The following SKAP1 variants were observed in gnomAD, a reference collection of about 807,000 sequenced individuals.
SKAP1 encodes src kinase-associated phosphoprotein 1.
SKAP1 carries 44 observed loss-of-function variants against 58.5 expected under a neutral mutation model. That is an observed-to-expected ratio of 0.75 (90% CI 0.59 to 0.97). The LOEUF (loss-of-function observed/expected upper bound fraction) is 0.97, where lower values mean the gene tolerates loss of function less well. Ranked by LOEUF, SKAP1 falls within the 50% of genes least tolerant of loss-of-function variation. The pLI, the probability that SKAP1 is intolerant of heterozygous loss-of-function variation, is 0.00. For missense variants in SKAP1, 390 were observed against 435.2 expected (o/e 0.90, Z 0.92); for synonymous variants, 127 against 149.7 (o/e 0.85, Z 1.11).
chr17:48,134,329 C>A (rs2063672843), intron 12 of SKAP1, among the ~76,000 whole-genome samples: 1 of 151,446 alleles, frequency 6.6e-6, no homozygotes, highest in African/African-American at 2.4e-5. Context: ...AGGATAAATT[C>A]TTTTTTTTAG....
In SKAP1 at chr17:48,378,953, C is replaced by G. The variant is rs866723015; in HGVS notation, c.153-15139G>C. Among the ~76,000 whole-genome samples, 5 of 152,084 alleles carry G rather than the reference C, an allele frequency of 3.3e-5. No individual in the cohort carries two copies. In the South Asian group the frequency reaches 8.3e-4, roughly 25 times the overall value. On this transcript the variant is annotated intron_variant, in intron 2 of 12. Coordinates refer to ENST00000336915, the MANE Select transcript of SKAP1 (RefSeq NM_003726.4). ...GAGGCAGGCAAAGGGCAAGGCACTTCCAGGCAATGCTATGAAGTATGGATT... is the reference window on the plus strand; with the variant it reads ...GAGGCAGGCAAAGGGCAAGGCACTTGCAGGCAATGCTATGAAGTATGGATT...
intron 10 of SKAP1, among the ~76,000 whole-genome samples, chr17:48,168,322 C>T (rs1050679916): frequency 3.3e-5 from 5 of 152,146 alleles, no homozygotes; most frequent in African/African-American, 7.2e-5. Context: ...AGGGAAAGGT[C>T]AACTTGCTTA....
chr17:48,349,410 C>G (rs1195103955), intron 3 of SKAP1, among the ~76,000 whole-genome samples: 1 of 152,148 alleles, frequency 6.6e-6, no homozygotes, highest in Non-Finnish European at 1.5e-5. Context: ...AAGCAAGACC[C>G]CTTGCCACTG....
chr17:48,271,852 C>G (rs2065637309), intron 4 of SKAP1, among the ~76,000 whole-genome samples: 1 of 152,148 alleles, frequency 6.6e-6, no homozygotes, highest in Non-Finnish European at 1.5e-5. Context: ...CATACCACTT[C>G]TACTTCTTGT....
intron 4 of SKAP1, among the ~76,000 whole-genome samples, chr17:48,331,426 G>A (rs973838338): frequency 9.2e-5 from 14 of 152,124 alleles, no homozygotes; most frequent in African/African-American, 3.1e-4. Context: ...TAGGCTGGGC[G>A]TGGTGGCTCA....
At chr17:48,281,228 G>C (rs147450329) in intron 4 of SKAP1, among the ~76,000 whole-genome samples, 1 of 152,070 alleles carries the variant, frequency 6.6e-6, no homozygotes, top group Non-Finnish European at 1.5e-5. Flanking sequence ...TTTTCACCAT[G>C]TTGGCCAGGA....
At chr17:48,428,453 A>G (rs1467996555) in intron 1 of SKAP1, among the ~76,000 whole-genome samples, 1 of 152,220 alleles carries the variant, frequency 6.6e-6, no homozygotes, top group South Asian at 2.1e-4. Flanking sequence ...AAGCTAAAGG[A>G]AGGTGGCAGG....
intron 2 of SKAP1, chr17:48,382,297 G>A (rs1295943540): frequency 6.6e-6 from 1 of 152,126 alleles, no homozygotes; most frequent in Non-Finnish European, 1.5e-5. Flanking sequence ...GTATACATAT[G>A]TAACAAACCT....
rs368181511 is a variant in SKAP1 at position 48,280,342 on chromosome 17, C to T, written c.280+65563G>A. Among the ~76,000 whole-genome samples, 14 of 151,734 alleles carry T rather than the reference C, an allele frequency of 9.2e-5. No homozygotes were observed. In the East Asian group the frequency reaches 1.2e-3, roughly 13 times the overall value. ...AAAATCAGCTGGCTGTGGTGGTGGG[C>T]GCCTGTAATTCCAGCTACTTGGGAG... On this transcript the variant is annotated intron_variant, in intron 4 of 12. Coordinates refer to ENST00000336915, the MANE Select transcript of SKAP1 (RefSeq NM_003726.4).
At chr17:48,166,647 T>C (rs1202176649) in intron 10 of SKAP1, among the ~76,000 whole-genome samples, 1 of 152,164 alleles carries the variant, frequency 6.6e-6, no homozygotes, top group Admixed American at 6.5e-5. Context: ...AAAATGATCG[T>C]GTCAATAAGG....
chr17:48,407,115 C>T (rs2067596279), intron 1 of SKAP1, among the ~76,000 whole-genome samples: 1 of 152,100 alleles, frequency 6.6e-6, no homozygotes, highest in Non-Finnish European at 1.5e-5. Flanking sequence ...TATTATGAGT[C>T]AAAGAGAAAC....
At chr17:48,139,840 T>C (rs556863260) in intron 11 of SKAP1, among the ~76,000 whole-genome samples, 68 of 152,298 alleles carry the variant, frequency 4.5e-4, no homozygotes, top group African/African-American at 1.6e-3. Flanking sequence ...GACAACCATC[T>C]TTCTTTCCCA....
At chr17:48,388,203 A>T (rs995745093) in intron 2 of SKAP1, among the ~76,000 whole-genome samples, 1 of 152,086 alleles carries the variant, frequency 6.6e-6, no homozygotes, top group African/African-American at 2.4e-5. Flanking sequence ...TGGGATGCCG[A>T]GGCAGGCGGA....
chr17:48,228,755 C>T (rs1243483512), intron 4 of SKAP1, among the ~76,000 whole-genome samples: 1 of 152,190 alleles, frequency 6.6e-6, no homozygotes, highest in Non-Finnish European at 1.5e-5. Flanking sequence ...TAGTGACTGC[C>T]AGAGCTCAGT....
intron 2 of SKAP1, among the ~76,000 whole-genome samples, chr17:48,375,269 T>A (rs968444027): frequency 6.6e-6 from 1 of 152,182 alleles, no homozygotes; most frequent in East Asian, 1.9e-4. Context: ...ATCAAACTTA[T>A]ATTAAATAAT....
At chr17:48,295,220 C>T (rs1419867744) in intron 4 of SKAP1, among the ~76,000 whole-genome samples, 2 of 152,176 alleles carry the variant, frequency 1.3e-5, no homozygotes, top group South Asian at 2.1e-4. Flanking sequence ...CAGTCAAGTT[C>T]AGCACTGCTT....
intron 2 of SKAP1, among the ~76,000 whole-genome samples, chr17:48,368,624 C>T (rs560724289): frequency 6.6e-6 from 1 of 152,302 alleles, no homozygotes; most frequent in African/African-American, 2.4e-5. Context: ...AATATCCATA[C>T]TCAATATCAT....
At chr17:48,155,959 G>A (rs1331136633) in intron 11 of SKAP1, among the ~76,000 whole-genome samples, 2 of 152,214 alleles carry the variant, frequency 1.3e-5, no homozygotes, top group Non-Finnish European at 2.9e-5. Flanking sequence ...ACTATCACAC[G>A]GAGGGTGATT....
chr17:48,430,364 G>C (rs2144635662), upstream of SKAP1: 1 of 235,636 alleles, frequency 4.2e-6, no homozygotes, highest in South Asian at 1.8e-4. Flanking sequence ...GAGCCCCACG[G>C]TAGAAGGATT....
Sources: allele counts gnomAD v4.1 joint callset (sites outside exome capture counted in the v4.1 genomes callset), GRCh38; gene constraint gnomAD v4.1.1; transcripts MANE v1.5; gene names NCBI Gene and HGNC (gene_info 2026-07-23, HGNC 2026-07-21).